Variants in LGALS8 observed in about 807,000 individuals in gnomAD.
The protein encoded by LGALS8 is galectin-8.
A neutral mutation model predicts 35.9 loss-of-function variants in LGALS8; 30 were observed. That is an observed-to-expected ratio of 0.83 (90% confidence interval 0.62 to 1.13). LGALS8 has a LOEUF of 1.13. Ranked by LOEUF, LGALS8 falls within the 50% of genes most tolerant of loss-of-function variation. LGALS8 has a pLI of 0.00. For missense variants in LGALS8, 366 were observed against 388.7 expected (o/e 0.94, Z 0.49); for synonymous variants, 138 against 136.1 (o/e 1.01, Z -0.10).
rs761765924 is a variant in LGALS8, at chr1:236,540,596, T to C, written c.378T>C (p.Tyr126=). The change falls in exon 5 of 10, where the codon TAT becomes TAC. Residue 126 remains tyrosine (Y), a synonymous_variant. Coordinates refer to ENST00000366584, the MANE Select transcript of LGALS8 (RefSeq NM_201544.4). ...TAAATGGAAAACATACTCTGCTCTA[T>C]GGCCACAGGATCGGCCCAGAGAAAA... ...VAVNGKHTLL[Y]GHRIGPEKID... The C allele has an allele frequency of 2.5e-6, 4 of 1,611,558 alleles. No individual in the cohort carries two copies. Among genetic ancestry groups the C allele is most frequent in the African/African-American group, 1.3e-5 (1 of 74,818 alleles).
chr1:236,547,618 C>A (rs575174190), intron 9 of LGALS8, among the ~76,000 whole-genome samples: 26 of 129,172 alleles, frequency 2.0e-4, no homozygotes, highest in Admixed American at 2.0e-3. Flanking sequence ...TCTCGGTGAA[C>A]TAAAGCAACC....
chr1:236,541,588 A>AACAGGT (rs376867259), intron 5 of LGALS8, 66 bp from the exon 6 acceptor site: 524,099 of 797,594 alleles, frequency 0.66, 176,477 homozygotes, highest in Non-Finnish European at 0.7. Context: ...TTATATGTCA[A>AACAGGT]TATAAAATAT....
chr1:236,542,732 ATTG>A, intron 6 of LGALS8, 26 bp from the exon 7 acceptor site: 2 of 1,611,110 alleles, frequency 1.2e-6, no homozygotes, highest in East Asian at 2.2e-5. Context: ...CCCTTCTAAC[ATTG>A]TTGTGTTTTG....
At chr1:236,530,808 A>G (rs1366918638) in intron 2 of LGALS8, among the ~76,000 whole-genome samples, 1 of 152,230 alleles carries the variant, frequency 6.6e-6, no homozygotes, top group East Asian at 1.9e-4. Context: ...TTTAAAGATA[A>G]TATGTGCAAA....
chr1:236,548,075 T>TACAA lies in LGALS8; in HGVS notation c.872_875dup (p.His292GlnfsTer5), dbSNP rs779172920. The TACAA allele has an allele frequency of 1.9e-6, 3 of 1,612,746 alleles. No individual in the cohort carries two copies. The highest frequency in any genetic ancestry group is 1.3e-5 in the African/African-American group (1 of 74,964). Reference sequence around the variant, plus strand: ...AGTAAATGGCGTACACAGCCTGGAGTACAAACACAGATTTAAAGAGCTCAG... The same window carrying TACAA: ...AGTAAATGGCGTACACAGCCTGGAGTACAAACAAACACAGATTTAAAGAGCTCAG... On this transcript the variant is annotated frameshift_variant, in exon 10 of 10. Transcript: ENST00000366584. LOFTEE classifies it high-confidence loss of function.
At chr1:236,534,885 A>G (rs1661372489) in intron 2 of LGALS8, among the ~76,000 whole-genome samples, 1 of 151,846 alleles carries the variant, frequency 6.6e-6, no homozygotes, top group African/African-American at 2.4e-5. Context: ...ACATGGCAAA[A>G]CCCCATCTCT....
chr1:236,549,733 C>A lies in LGALS8; in HGVS notation c.*1572C>A, dbSNP rs971928233. ...AAGACCATCAGAGTGCTTAACTGAG[C>A]TGTTGGAGACTGTGAGGCATTTAGG... On this transcript the variant is annotated 3_prime_UTR_variant, in exon 10 of 10. Coordinates refer to ENST00000366584, the MANE Select transcript of LGALS8 (RefSeq NM_201544.4). 6.6e-6 allele frequency: 1 copy of A among 152,110 alleles called. No individual in the cohort carries two copies. Among genetic ancestry groups the A allele is most frequent in the East Asian group, 1.9e-4 (1 of 5,182 alleles). 9.4% of individuals were successfully genotyped at this position (152,110 alleles called of 1,614,324 possible).
chr1:236,531,117 C>A (rs1661116476), intron 2 of LGALS8, among the ~76,000 whole-genome samples: 1 of 152,106 alleles, frequency 6.6e-6, no homozygotes, highest in African/African-American at 2.4e-5. Flanking sequence ...TTTATTTTAA[C>A]AGCTGCATAA....
chr1:236,552,162 C>T lies in LGALS8; in HGVS notation c.*4001C>T, dbSNP rs532362089. The T allele has an allele frequency of 3.2e-5, 38 of 1,185,062 alleles. No homozygotes were observed. In the African/African-American group the frequency reaches 4.8e-4, roughly 15 times the overall value. The allele number at this position is 1,185,062 out of a possible 1,614,324, so 73.4% of individuals were successfully genotyped here. On this transcript the variant is annotated 3_prime_UTR_variant, in exon 10 of 10. Transcript: ENST00000366584. ...AAAGTAGTGTTACTGTATTTATTATCTTAAGAGCTGTACTGACTTGAGACA... is the reference window on the plus strand; with the variant it reads ...AAAGTAGTGTTACTGTATTTATTATTTTAAGAGCTGTACTGACTTGAGACA...
At chr1:236,531,800 G>A (rs1661166039) in intron 2 of LGALS8, among the ~76,000 whole-genome samples, 1 of 152,046 alleles carries the variant, frequency 6.6e-6, no homozygotes, top group African/African-American at 2.4e-5. Context: ...GGTCCCCAAG[G>A]TCACACCCAG....
At chr1:236,538,762 TGAG>T (rs1661747014) in intron 3 of LGALS8, 114 bp from the exon 4 acceptor site, 4 of 720,342 alleles carry the variant, frequency 5.6e-6, no homozygotes, top group South Asian at 3.1e-5. Flanking sequence ...AGTGAATGAA[TGAG>T]GAGGGATTGG....
chr1:236,520,949 T>A (rs1002663605), upstream of LGALS8, among the ~76,000 whole-genome samples: 1 of 152,240 alleles, frequency 6.6e-6, no homozygotes, highest in Non-Finnish European at 1.5e-5. Flanking sequence ...GTTTCCTTTC[T>A]TTCACTCACC....
At chr1:236,521,119 C>A (rs772630814), upstream of LGALS8, among the ~76,000 whole-genome samples, 1 of 152,160 alleles carries the variant, frequency 6.6e-6, no homozygotes, top group Non-Finnish European at 1.5e-5. Flanking sequence ...AAACTCCTTG[C>A]CCTCATGGAG....
chr1:236,524,554 T>G lies in LGALS8; in HGVS notation c.-104+493T>G, dbSNP rs1660705411. ...GATGCCGAGTCATTTGACTGCAGTG[T>G]TAAACATTGCAAAGCGCAAGTCATG... On this transcript the variant is annotated intron_variant, in intron 1 of 9. Transcript: ENST00000366584. 62 of 395,846 alleles carry G rather than the reference T, an allele frequency of 1.6e-4. 3 individuals are homozygous for G. Among genetic ancestry groups the G allele is most frequent in the South Asian group, 1.1e-3 (62 of 56,726 alleles). The allele number at this position is 395,846 out of a possible 1,614,324, so 24.5% of individuals were successfully genotyped here.
At chr1:236,546,351 C>T (rs929902577) in intron 9 of LGALS8, among the ~76,000 whole-genome samples, 10 of 152,220 alleles carry the variant, frequency 6.6e-5, no homozygotes, top group South Asian at 2.1e-4. Context: ...AGGTCCTTTC[C>T]GGGGGCTTCC....
intron 5 of LGALS8, chr1:236,541,171 T>A (rs1661967595): frequency 6.2e-6 from 1 of 160,560 alleles, no homozygotes; most frequent in Non-Finnish European, 1.3e-5. Context: ...TTGCCTACAG[T>A]ATTTGGTACA....
Position 236,552,268 on chromosome 1 carries a change from T to C in LGALS8, c.*4107T>C, listed in dbSNP as rs1662785235. 1 of 506,806 alleles carries C rather than the reference T, an allele frequency of 2.0e-6. No homozygotes were observed. Among genetic ancestry groups the C allele is most frequent in the Non-Finnish European group, 3.5e-6 (1 of 288,390 alleles). 31.4% of individuals were successfully genotyped at this position (506,806 alleles called of 1,614,324 possible). ...TTAAGCTTTCATCTTAGAATACCAG[T>C]TTCACCATTTGGGAGCTGTTTGTAA... On this transcript the variant is annotated 3_prime_UTR_variant, in exon 10 of 10. Coordinates refer to ENST00000366584, the MANE Select transcript of LGALS8 (RefSeq NM_201544.4).
intron 9 of LGALS8, among the ~76,000 whole-genome samples, chr1:236,547,544 T>A (rs1243109902): frequency 1.0e-5 from 1 of 100,150 alleles, no homozygotes; most frequent in Non-Finnish European, 2.5e-5. Context: ...GGTCCTAGAG[T>A]TTGAGGCAGA....
At chr1:236,533,916 G>GGAGC (rs1661298782) in intron 2 of LGALS8, among the ~76,000 whole-genome samples, 1 of 152,166 alleles carries the variant, frequency 6.6e-6, no homozygotes, top group Admixed American at 6.5e-5. Flanking sequence ...GACCCCAGAT[G>GGAGC]TAGCTCCCTC....
Sources: gnomAD v4.1 joint callset for allele counts (sites outside exome capture counted in the v4.1 genomes callset) on GRCh38, gnomAD v4.1.1 for gene constraint, MANE v1.5 for transcripts, NCBI Gene and HGNC (gene_info 2026-07-23, HGNC 2026-07-21) for gene names.